SLC4A10: variants seen among roughly 807,000 people sequenced by gnomAD.
SLC4A10 encodes the protein solute carrier family 4 member 10.
A neutral mutation model predicts 137.7 loss-of-function variants in SLC4A10; 42 were observed. That is an observed-to-expected ratio of 0.30 (90% confidence interval 0.24 to 0.39). SLC4A10 has a LOEUF of 0.39. Among genes scored for constraint, SLC4A10 ranks in the 10% least tolerant of loss-of-function variants. The probability of loss-of-function intolerance (pLI) is 1.00; values close to 1 mark genes in which losing one functional copy is unlikely to be tolerated. For synonymous variants in SLC4A10, 474 were observed against 464.1 expected (o/e 1.02, Z -0.27); for missense variants, 925 against 1,355.0 (o/e 0.68, Z 4.98).
At chr2:161,676,778 A>T (rs972354695) in intron 1 of SLC4A10, among the ~76,000 whole-genome samples, 1 of 152,020 alleles carries the variant, frequency 6.6e-6, no homozygotes, top group African/African-American at 2.4e-5. Context: ...TCACAGAAAA[A>T]TATTCAGGTA....
intron 1 of SLC4A10, among the ~76,000 whole-genome samples, chr2:161,748,436 T>TTGTGTGTGTGTGTG (rs144251917): frequency 1.2e-3 from 171 of 142,516 alleles, no homozygotes; most frequent in African/African-American, 4.3e-3. Flanking sequence ...CATTTTGAGT[T>TTGTGTGTGTGTGTG]TGTGTGTGTG....
At position 161,853,726 on chromosome 2, in the gene SLC4A10, G is replaced by GT. The variant is rs1036291129; in HGVS notation, c.417-1238dup. ...TTGGTGATTTGTGGCTTAAATGTAA[G>GT]TTTTTTCAATATGGCATATCTATTC... On this transcript the variant is annotated intron_variant, in intron 4 of 26. Transcript: ENST00000446997. Among the ~76,000 whole-genome samples, 197 of 151,950 alleles carry GT rather than the reference G, an allele frequency of 1.3e-3. 5 individuals carry two copies. The highest frequency in any genetic ancestry group is 2.8e-4 in the Non-Finnish European group (19 of 67,944).
In SLC4A10 at chr2:161,725,317, T is replaced by G. The variant is rs575610658; in HGVS notation, c.49-45656T>G. The stretch of plus-strand genomic sequence containing the variant: ...AGCTGAGTGGTCCTGGGAAACTTTT[T>G]TCACCTCTTTAAGTCTCAGAATACT... On this transcript the variant is annotated intron_variant, in intron 1 of 26. Coordinates refer to ENST00000446997, the MANE Select transcript of SLC4A10 (RefSeq NM_001178015.2). 2.2e-4 allele frequency among the ~76,000 whole-genome samples: 33 copies of G among 152,344 alleles called. 1 individual carries two copies. The South Asian group carries it at 6.8e-3, about 32-fold the overall frequency.
intron 15 of SLC4A10, among the ~76,000 whole-genome samples, chr2:161,915,346 A>T (rs1382630133): frequency 6.6e-6 from 1 of 152,186 alleles, no homozygotes; most frequent in East Asian, 1.9e-4. Flanking sequence ...ATGTGACCTC[A>T]TTCCTCTTGG....
intron 1 of SLC4A10, among the ~76,000 whole-genome samples, chr2:161,747,916 G>A (rs940288137): frequency 6.6e-6 from 1 of 152,042 alleles, no homozygotes; most frequent in African/African-American, 2.4e-5. Context: ...TCTACCAACA[G>A]TGTACAAGGC....
chr2:161,730,878 C>T (rs1365147269), intron 1 of SLC4A10, among the ~76,000 whole-genome samples: 1 of 152,036 alleles, frequency 6.6e-6, no homozygotes, highest in Non-Finnish European at 1.5e-5. Flanking sequence ...TGAAGTTAAC[C>T]ACGTAAGAAG....
chr2:161,982,633 C>T (rs557815941), intron 26 of SLC4A10, among the ~76,000 whole-genome samples: 10 of 152,178 alleles, frequency 6.6e-5, no homozygotes, highest in Non-Finnish European at 1.3e-4. Flanking sequence ...AGAGATAGCA[C>T]AGGTGTCTGG....
At chr2:161,743,426 T>A (rs2048108710) in intron 1 of SLC4A10, among the ~76,000 whole-genome samples, 1 of 152,210 alleles carries the variant, frequency 6.6e-6, no homozygotes, top group South Asian at 2.1e-4. Context: ...ATGAGTTCAC[T>A]GTAGATGTAT....
chr2:161,825,579 C>T (rs970977779), intron 3 of SLC4A10, among the ~76,000 whole-genome samples: 1 of 151,784 alleles, frequency 6.6e-6, no homozygotes, highest in East Asian at 1.9e-4. Flanking sequence ...TATTCCACAC[C>T]CTCTCTCTCT....
intron 1 of SLC4A10, among the ~76,000 whole-genome samples, chr2:161,729,703 G>A (rs1559124665): frequency 1.3e-5 from 2 of 151,926 alleles, no homozygotes; most frequent in African/African-American, 4.8e-5. Context: ...TGGGTCCTAC[G>A]TTAAAAAAAG....
At chr2:161,807,182 C>T (rs1259593184) in intron 3 of SLC4A10, among the ~76,000 whole-genome samples, 3 of 152,226 alleles carry the variant, frequency 2.0e-5, no homozygotes, top group East Asian at 1.9e-4. Context: ...CAATTACCTC[C>T]CACCAGGTCC....
chr2:161,659,734 CAAA>C (rs1274907004), intron 1 of SLC4A10, among the ~76,000 whole-genome samples: 9 of 151,922 alleles, frequency 5.9e-5, no homozygotes, highest in African/African-American at 1.9e-4. Flanking sequence ...TTATAATAGA[CAAA>C]AAGTGAAAAA....
chr2:161,813,640 G>T (rs1480764339), intron 3 of SLC4A10, among the ~76,000 whole-genome samples: 4 of 152,084 alleles, frequency 2.6e-5, no homozygotes, highest in Non-Finnish European at 4.4e-5. Context: ...TGCAGGAATG[G>T]ATTATCTGTA....
chr2:161,847,917 T>C (rs1171721438), intron 4 of SLC4A10, among the ~76,000 whole-genome samples: 1 of 152,190 alleles, frequency 6.6e-6, no homozygotes, highest in African/African-American at 2.4e-5. Context: ...GGATGAATGA[T>C]AGTTCTGTTT....
At chr2:161,692,013 C>A (rs1246709271) in intron 1 of SLC4A10, among the ~76,000 whole-genome samples, 1 of 151,986 alleles carries the variant, frequency 6.6e-6, no homozygotes, top group East Asian at 1.9e-4. Flanking sequence ...AGGTTAATAA[C>A]ATGGAGCTTT....
intron 9 of SLC4A10, among the ~76,000 whole-genome samples, chr2:161,879,546 C>T (rs919167914): frequency 1.6e-3 from 206 of 125,010 alleles, no homozygotes; most frequent in Non-Finnish European, 2.5e-3. Context: ...CATATGAATC[C>T]TTTTTTTTTT....
At chr2:161,955,337 C>G (rs534178729) in intron 19 of SLC4A10, among the ~76,000 whole-genome samples, 1 of 152,162 alleles carries the variant, frequency 6.6e-6, no homozygotes, top group Non-Finnish European at 1.5e-5. Context: ...GTTTCCTATG[C>G]TTTTTTGGTT....
At chr2:161,780,238 G>T (rs747332018) in intron 2 of SLC4A10, among the ~76,000 whole-genome samples, 1 of 151,984 alleles carries the variant, frequency 6.6e-6, no homozygotes, top group Non-Finnish European at 1.5e-5. Context: ...TATGCTAAAA[G>T]AATAGAATAT....
chr2:161,968,600 G>A (rs1361984616), intron 23 of SLC4A10, among the ~76,000 whole-genome samples: 1 of 152,070 alleles, frequency 6.6e-6, no homozygotes, highest in Non-Finnish European at 1.5e-5. Flanking sequence ...TCTCAGATGG[G>A]TTAATATGAT....
Sources: allele counts gnomAD v4.1 joint callset (sites outside exome capture counted in the v4.1 genomes callset), GRCh38; gene constraint gnomAD v4.1.1; transcripts MANE v1.5; gene names NCBI Gene and HGNC (gene_info 2026-07-23, HGNC 2026-07-21).